ADORA2B: variants seen among roughly 807,000 people sequenced by gnomAD.
ADORA2B encodes the protein adenosine receptor A2b.
A neutral mutation model predicts 20.8 loss-of-function variants in ADORA2B; 18 were observed. The observed-to-expected ratio is 0.87, with a 90% CI of 0.60 to 1.29. The LOEUF is 1.29. Among genes scored for constraint, ADORA2B ranks in the 50% most tolerant of loss-of-function variants. The pLI is 0.00. For missense variants in ADORA2B, 441 were observed against 422.7 expected, an observed-to-expected ratio of 1.04 and a Z score of -0.38; for synonymous variants, 179 against 178.3, an observed-to-expected ratio of 1.00 and a Z score of -0.03.
intron 1 of ADORA2B, chr17:15,974,393 TTACAG>T (rs766642110): frequency 5.9e-6 from 2 of 337,342 alleles, no homozygotes; most frequent in Non-Finnish European, 1.1e-5. Context: ...CATTGAGGAC[TTACAG>T]TACTCCCTTA....
At chr17:15,921,568 C>G in the ADORA2B span, among the ~76,000 whole-genome samples, 1 of 152,176 alleles carries the variant, frequency 6.6e-6, no homozygotes, top group Non-Finnish European at 1.5e-5. Flanking sequence ...GTCCTATCAT[C>G]ACACCAAAAA....
intron 1 of ADORA2B, among the ~76,000 whole-genome samples, chr17:15,964,825 G>T (rs2151604887): frequency 6.6e-6 from 1 of 151,868 alleles, no homozygotes; most frequent in East Asian, 1.9e-4. Flanking sequence ...ACTTTGGGAG[G>T]CCAAGGTGGG....
the ADORA2B span, among the ~76,000 whole-genome samples, chr17:15,935,096 C>T: frequency 6.6e-6 from 1 of 152,178 alleles, no homozygotes. Flanking sequence ...TGTGAGCCAC[C>T]GCGCCTGGCC....
the ADORA2B span, among the ~76,000 whole-genome samples, chr17:15,851,555 G>GC: frequency 6.6e-6 from 1 of 152,074 alleles, no homozygotes; most frequent in Non-Finnish European, 1.5e-5. Context: ...TGCCTTCCCA[G>GC]CCATGCTTGC....
the ADORA2B span, among the ~76,000 whole-genome samples, chr17:15,870,767 T>G: frequency 1.3e-5 from 2 of 152,262 alleles, no homozygotes; most frequent in South Asian, 2.1e-4. Context: ...TTGTCTTTTT[T>G]GAGAGAGGTC....
chr17:15,974,890 G>A lies in ADORA2B; in HGVS notation c.547G>A (p.Val183Ile), dbSNP rs771529913. The part of the protein sequence containing the change: ...FENVVPMSYM[V>I]YFNFFGCVLP... ...GAATGTGGTCCCCATGAGCTACATG[G>A]TATATTTCAATTTCTTTGGGTGTGT... is the stretch of plus-strand genomic sequence containing the variant. The change falls in exon 2 of 2, where the codon GTA becomes ATA. Residue 183 changes from valine (V) to isoleucine (I), a missense_variant. Physicochemically the swap from Val to Ile is conservative, Grantham distance 29 (BLOSUM62 3). Coordinates refer to ENST00000304222, the MANE Select transcript of ADORA2B (RefSeq NM_000676.4). 4.3e-6 allele frequency: 7 copies of A among 1,614,150 alleles called. No homozygotes were observed. The highest frequency in any genetic ancestry group is 5.9e-6 in the Non-Finnish European group (7 of 1,180,036).
intron 1 of ADORA2B, among the ~76,000 whole-genome samples, chr17:15,972,739 G>C (rs1236104676): frequency 1.3e-5 from 2 of 152,014 alleles, no homozygotes; most frequent in Admixed American, 1.3e-4. Flanking sequence ...CCCAGTAGTG[G>C]TTTCTAGTAT....
At chr17:15,853,795 T>A in the ADORA2B span, among the ~76,000 whole-genome samples, 1 of 152,180 alleles carries the variant, frequency 6.6e-6, no homozygotes, top group African/African-American at 2.4e-5. Flanking sequence ...AGGTAAACTT[T>A]CTTAGATCAT....
intron 1 of ADORA2B, among the ~76,000 whole-genome samples, chr17:15,963,172 A>C (rs1368340971): frequency 6.6e-6 from 1 of 152,190 alleles, no homozygotes; most frequent in Admixed American, 6.6e-5. Flanking sequence ...TAATTAATGA[A>C]AAGGAATGAT....
At chr17:15,878,734 A>G in the ADORA2B span, among the ~76,000 whole-genome samples, 2 of 152,186 alleles carry the variant, frequency 1.3e-5, no homozygotes, top group African/African-American at 4.8e-5. Flanking sequence ...TGAATAGTTT[A>G]TCAATTAAGG....
At chr17:15,918,698 C>T in the ADORA2B span, among the ~76,000 whole-genome samples, 1 of 152,172 alleles carries the variant, frequency 6.6e-6, no homozygotes, top group Non-Finnish European at 1.5e-5. Flanking sequence ...TCTCAAACTC[C>T]TGACCTCGTG....
At chr17:15,971,431 G>C (rs1351406455) in intron 1 of ADORA2B, among the ~76,000 whole-genome samples, 1 of 152,158 alleles carries the variant, frequency 6.6e-6, no homozygotes, top group African/African-American at 2.4e-5. Flanking sequence ...TGATTGAGCT[G>C]CCTGTTGCTA....
the ADORA2B span, among the ~76,000 whole-genome samples, chr17:15,884,611 G>A: frequency 2.0e-5 from 3 of 151,988 alleles, no homozygotes; most frequent in African/African-American, 4.8e-5. Flanking sequence ...TGTTGTTCCC[G>A]CACATGTGTC....
At chr17:15,973,639 G>A (rs1357822684) in intron 1 of ADORA2B, among the ~76,000 whole-genome samples, 2 of 152,164 alleles carry the variant, frequency 1.3e-5, no homozygotes, top group African/African-American at 2.4e-5. Context: ...GGGGATCTAC[G>A]CTGTGCGCTC....
chr17:15,891,546 A>G, the ADORA2B span, among the ~76,000 whole-genome samples: 1 of 152,208 alleles, frequency 6.6e-6, no homozygotes, highest in South Asian at 2.1e-4. Context: ...CATTTTCCCA[A>G]AAACTCAAAC....
chr17:15,866,718 T>TGCCGCTGCCGCTGCCG, the ADORA2B span, among the ~76,000 whole-genome samples: 3 of 127,410 alleles, frequency 2.4e-5, no homozygotes, highest in African/African-American at 9.2e-5. Flanking sequence ...TGCCGCTGCC[T>TGCCGCTGCCGCTGCCG]CTGCCGCTGC....
At chr17:15,894,234 G>A in the ADORA2B span, among the ~76,000 whole-genome samples, 1 of 152,208 alleles carries the variant, frequency 6.6e-6, no homozygotes, top group Admixed American at 6.5e-5. Flanking sequence ...GAACTACACA[G>A]ACAAGCAAGC....
chr17:15,955,369 T>C (rs951319931), intron 1 of ADORA2B, among the ~76,000 whole-genome samples: 21 of 152,194 alleles, frequency 1.4e-4, no homozygotes, highest in African/African-American at 3.9e-4. Context: ...CCATTTCCTC[T>C]GTTCTTTTCT....
chr17:15,964,887 C>T (rs953495537), intron 1 of ADORA2B, among the ~76,000 whole-genome samples: 7 of 151,972 alleles, frequency 4.6e-5, no homozygotes, highest in Non-Finnish European at 2.9e-5. Context: ...CGGTGAAACC[C>T]CGTCTCTACT....
Sources: gnomAD v4.1 joint callset for allele counts (sites outside exome capture counted in the v4.1 genomes callset) on GRCh38, gnomAD v4.1.1 for gene constraint, MANE v1.5 for transcripts, NCBI Gene and HGNC (gene_info 2026-07-23, HGNC 2026-07-21) for gene names.